TMEM232: variants seen among roughly 807,000 people sequenced by gnomAD.
TMEM232 encodes transmembrane protein 232.
A neutral mutation model predicts 78.8 loss-of-function variants in TMEM232; 80 were observed. The ratio of observed to expected loss-of-function variants is 1.01; its 90% CI spans 0.85 to 1.22. The LOEUF (loss-of-function observed/expected upper bound fraction) is 1.22. Among genes scored for constraint, TMEM232 ranks in the 50% most tolerant of loss-of-function variants. TMEM232 has a pLI of 0.00. For missense variants in TMEM232, 881 were observed against 742.2 expected, an observed-to-expected ratio of 1.19 and a Z score of -2.17; for synonymous variants, 297 against 254.3, an observed-to-expected ratio of 1.17 and a Z score of -1.60.
chr5:110,539,133 A>C (rs896398131), intron 11 of TMEM232, among the ~76,000 whole-genome samples: 8 of 152,222 alleles, frequency 5.3e-5, no homozygotes, highest in African/African-American at 1.9e-4. Flanking sequence ...AGGCTAACCC[A>C]CTGGCATGGT....
chr5:110,636,679 G>C (rs747305322), intron 5 of TMEM232, among the ~76,000 whole-genome samples: 1 of 151,806 alleles, frequency 6.6e-6, no homozygotes, highest in Non-Finnish European at 1.5e-5. Context: ...TTAGACTTTG[G>C]GCAAGTCACT....
chr5:110,472,648 G>A (rs1762806540), intron 12 of TMEM232, among the ~76,000 whole-genome samples: 1 of 151,720 alleles, frequency 6.6e-6, no homozygotes, highest in African/African-American at 2.4e-5. Flanking sequence ...ACAGCTGAAG[G>A]CATCTCACTA....
At chr5:110,698,773 A>G (rs1795101571) in intron 1 of TMEM232, among the ~76,000 whole-genome samples, 2 of 152,118 alleles carry the variant, frequency 1.3e-5, no homozygotes, top group Admixed American at 1.3e-4. Flanking sequence ...CTACGAAGAA[A>G]GGAAAGAAAA....
rs372786890 is a variant in TMEM232 at position 110,706,220 on chromosome 5, C to A, written c.-13+20407G>T. On this transcript the variant is annotated intron_variant, in intron 1 of 13. Coordinates refer to ENST00000455884, the MANE Select transcript of TMEM232 (RefSeq NM_001039763.4). ...AGTTAATTACAGTTCTAAATGAAATCAAAGATATTTTGAGGTACAAATACA... is the reference window on the plus strand; with the variant it reads ...AGTTAATTACAGTTCTAAATGAAATAAAAGATATTTTGAGGTACAAATACA... Among the ~76,000 whole-genome samples, 9 of 152,130 alleles carry A rather than the reference C, an allele frequency of 5.9e-5. 1 individual carries two copies. Among genetic ancestry groups the A allele is most frequent in the East Asian group, 5.8e-4 (3 of 5,178 alleles).
At chr5:110,685,082 T>C (rs9326807) in intron 1 of TMEM232, among the ~76,000 whole-genome samples, 11,412 of 152,030 alleles carry the variant, frequency 0.075, 536 homozygotes, top group South Asian at 0.2. Context: ...ACTCTACATA[T>C]ATTGGGAAAT....
intron 10 of TMEM232, among the ~76,000 whole-genome samples, chr5:110,599,470 A>C (rs1198908037): frequency 3.9e-5 from 6 of 152,186 alleles, no homozygotes; most frequent in Non-Finnish European, 8.8e-5. Flanking sequence ...AAAGGAATGG[A>C]GGAACATTTA....
chr5:110,542,462 C>A (rs976392613), intron 11 of TMEM232, among the ~76,000 whole-genome samples: 1 of 152,082 alleles, frequency 6.6e-6, no homozygotes, highest in Non-Finnish European at 1.5e-5. Flanking sequence ...GGCTTCCAGC[C>A]AGTTTCAGGT....
intron 2 of TMEM232, among the ~76,000 whole-genome samples, chr5:110,652,292 G>GTGCACACACA (rs1554069150): frequency 2.0e-4 from 1 of 5,010 alleles, no homozygotes; most frequent in Non-Finnish European, 6.1e-4. Context: ...GTGCACGCGC[G>GTGCACACACA]CGCACACACA....
chr5:110,545,075 A>T (rs1581161310), intron 11 of TMEM232, among the ~76,000 whole-genome samples: 1 of 152,272 alleles, frequency 6.6e-6, no homozygotes, highest in East Asian at 1.9e-4. Flanking sequence ...GGTTATGGTA[A>T]AGATTAAACA....
chr5:110,560,516 C>T (rs1244173776), intron 11 of TMEM232, among the ~76,000 whole-genome samples: 1 of 151,846 alleles, frequency 6.6e-6, no homozygotes, highest in East Asian at 1.9e-4. Context: ...ACAATTTGAG[C>T]AATAGCAACA....
intron 4 of TMEM232, among the ~76,000 whole-genome samples, chr5:110,389,541 G>A (rs1755107680): frequency 2.0e-5 from 3 of 152,176 alleles, no homozygotes; most frequent in Admixed American, 1.3e-4. Context: ...TGAAAAATTT[G>A]TGTTGAAATC....
intron 12 of TMEM232, among the ~76,000 whole-genome samples, chr5:110,459,977 A>G (rs1333359469): frequency 6.6e-6 from 1 of 152,206 alleles, no homozygotes; most frequent in African/African-American, 2.4e-5. Context: ...ATTAAGAACC[A>G]CGAAGAAAGG....
downstream of TMEM232, among the ~76,000 whole-genome samples, chr5:110,417,303 T>C (rs1260798939): frequency 1.3e-5 from 2 of 152,150 alleles, no homozygotes; most frequent in African/African-American, 4.8e-5. Flanking sequence ...TCTTTCTCTT[T>C]CTCTATTTTT....
At chr5:110,622,697 G>A (rs1051094310) in intron 7 of TMEM232, among the ~76,000 whole-genome samples, 1 of 152,054 alleles carries the variant, frequency 6.6e-6, no homozygotes, top group Non-Finnish European at 1.5e-5. Context: ...AGTCCTTTGG[G>A]TATATACCCA....
chr5:110,674,508 G>T lies in TMEM232; in HGVS notation c.-12-7144C>A, dbSNP rs193069634. Among the ~76,000 whole-genome samples, 207 of 152,278 alleles carry T rather than the reference G, an allele frequency of 1.4e-3. 1 individual carries two copies. The highest frequency in any genetic ancestry group is 9.6e-4 in the Non-Finnish European group (65 of 68,016). ...ACCAAAGTATATTATTTCTGAATAT[G>T]TATGTCTAATGAAGCAATAAACATC... On this transcript the variant is annotated intron_variant, in intron 1 of 13. Coordinates refer to ENST00000455884, the MANE Select transcript of TMEM232 (RefSeq NM_001039763.4).
upstream of TMEM232, among the ~76,000 whole-genome samples, chr5:110,730,084 A>T (rs1798533332): frequency 6.6e-6 from 1 of 152,232 alleles, no homozygotes; most frequent in Admixed American, 6.5e-5. Context: ...AGATGAAACT[A>T]TTAGTAAGTT....
In TMEM232 at chr5:110,538,702, A is replaced by T. The variant is rs916334901; in HGVS notation, c.1456-9867T>A. Among the ~76,000 whole-genome samples, 6 of 152,270 alleles carry T rather than the reference A, an allele frequency of 3.9e-5. 1 individual carries two copies. Among genetic ancestry groups the T allele is most frequent in the Admixed American group, 3.9e-4 (6 of 15,300 alleles). On this transcript the variant is annotated intron_variant, in intron 11 of 13. Transcript: ENST00000455884. ...GTGCAAAAGCAGGAATTAGATGAAGACTGAAGACCGAAGGGGCCTGGGGTC... is the reference window on the plus strand; with the variant it reads ...GTGCAAAAGCAGGAATTAGATGAAGTCTGAAGACCGAAGGGGCCTGGGGTC...
chr5:110,658,003 A>G (rs1445249541), intron 2 of TMEM232, among the ~76,000 whole-genome samples: 1 of 152,192 alleles, frequency 6.6e-6, no homozygotes, highest in East Asian at 1.9e-4. Context: ...AGAATGAAAG[A>G]AAGGTCTGCT....
chr5:110,715,963 T>C (rs1036447595), intron 1 of TMEM232, among the ~76,000 whole-genome samples: 2 of 152,118 alleles, frequency 1.3e-5, no homozygotes, highest in Admixed American at 6.6e-5. Context: ...TTTCAACCAA[T>C]TGCCAATCAG....
Sources: gnomAD v4.1 joint callset for allele counts (sites outside exome capture counted in the v4.1 genomes callset) on GRCh38, gnomAD v4.1.1 for gene constraint, MANE v1.5 for transcripts, NCBI Gene and HGNC (gene_info 2026-07-23, HGNC 2026-07-21) for gene names.